The following FNBP1L variants were observed in gnomAD, a reference collection of about 807,000 sequenced individuals.
FNBP1L encodes the protein formin binding protein 1 like, also known as formin-binding protein 1-like.
Under a neutral mutation model 91.2 loss-of-function variants are expected in FNBP1L, and 36 were observed. The observed-to-expected ratio is 0.39, with a 90% CI of 0.30 to 0.52. FNBP1L has a LOEUF of 0.52. Ranked by LOEUF, FNBP1L falls within the 20% of genes least tolerant of loss-of-function variation. The pLI is 0.66. For missense variants in FNBP1L, 571 were observed against 732.1 expected, an observed-to-expected ratio of 0.78 and a Z score of 2.54; for synonymous variants, 242 against 237.0, an observed-to-expected ratio of 1.02 and a Z score of -0.19.
intron 1 of FNBP1L, 78 bp from the exon 2 acceptor site, chr1:93,499,390 A>G: frequency 2.2e-6 from 2 of 910,158 alleles, no homozygotes; most frequent in Non-Finnish European, 3.5e-6. Flanking sequence ...TTCTCTGTAC[A>G]AATACCAGAA....
intron 1 of FNBP1L, among the ~76,000 whole-genome samples, chr1:93,484,525 T>C (rs1488410810): frequency 6.6e-6 from 1 of 152,194 alleles, no homozygotes; most frequent in African/African-American, 2.4e-5. Context: ...AGTTCTGTTC[T>C]TGAATCCCCT....
At chr1:93,458,717 A>T (rs1668757264) in intron 1 of FNBP1L, among the ~76,000 whole-genome samples, 1 of 152,206 alleles carries the variant, frequency 6.6e-6, no homozygotes, top group African/African-American at 2.4e-5. Flanking sequence ...ACAGTAATCC[A>T]CCCTTCAGTT....
At position 93,523,340 on chromosome 1, in the gene FNBP1L, C is replaced by A. The variant is rs1470205917; in HGVS notation, c.195-4C>A. The A allele has an allele frequency of 6.3e-7, 1 of 1,588,486 alleles. No homozygotes were observed. ...GTCTCACCATTTTGAAATGTTTTTG[C>A]CAGGTTTACCTCGTGTGTAGCCTTT... On this transcript the variant is annotated splice_region_variant and splice_polypyrimidine_tract_variant and intron_variant, in intron 3 of 16. Transcript: ENST00000271234.
At chr1:93,538,807 T>C (rs1671930326) in intron 10 of FNBP1L, among the ~76,000 whole-genome samples, 1 of 152,122 alleles carries the variant, frequency 6.6e-6, no homozygotes, top group South Asian at 2.1e-4. Flanking sequence ...GTGCGATATT[T>C]GCTGCACATT....
Position 93,550,962 on chromosome 1 carries a change from C to T in FNBP1L, c.1667C>T (p.Thr556Ile). ...IYPFDGHNEG[T>I]LAMKEGEVLY... ...TCTCATCTAGGACATAATGAAGGTA[C>T]TCTAGCAATGAAAGAAGGTGAAGTT... The change falls in exon 16 of 17, where the codon ACT (threonine) becomes ATT (isoleucine). Residue 556 changes from threonine to isoleucine, a missense_variant. Physicochemically the swap from Thr to Ile is moderately conservative, Grantham distance 89. Coordinates refer to ENST00000271234, the MANE Select transcript of FNBP1L (RefSeq NM_001164473.3). The T allele has an allele frequency of 6.3e-7, 1 of 1,592,530 alleles. No individual in the cohort carries two copies. The highest frequency in any genetic ancestry group is 8.6e-7 in the Non-Finnish European group (1 of 1,169,056).
chr1:93,547,056 C>T lies in FNBP1L; in HGVS notation c.1407+82C>T, dbSNP rs1570876568. The T allele has an allele frequency of 1.2e-5, 17 of 1,381,988 alleles. No individual in the cohort carries two copies. The East Asian group carries it at 4.3e-4, about 35-fold the overall frequency. The allele number at this position is 1,381,988 out of a possible 1,614,324, so 85.6% of individuals were successfully genotyped here. A position where few individuals can be genotyped will look rare whatever the true frequency, so the allele number is the denominator to read the frequency against. On this transcript the variant is annotated intron_variant, in intron 13 of 16. Coordinates refer to ENST00000271234, the MANE Select transcript of FNBP1L (RefSeq NM_001164473.3). ...ATAGATTGGTTTTTGTTAGAATTAT[C>T]TTCAAATGTTTATATTTAATGTTAG...
chr1:93,454,909 TTTTA>T (rs199611646), intron 1 of FNBP1L, among the ~76,000 whole-genome samples: 13,790 of 150,882 alleles, frequency 0.091, 742 homozygotes, highest in African/African-American at 0.15. Context: ...GCTGTTTTAT[TTTTA>T]TTTATTTATT....
Position 93,549,659 on chromosome 1 carries a change from T to TATTA in FNBP1L, c.1651+242_1651+245dup, listed in dbSNP as rs534573239. Among the ~76,000 whole-genome samples the TATTA allele has an allele frequency of 3.3e-4, 51 of 152,328 alleles. No individual in the cohort carries two copies. In the South Asian group the frequency reaches 0.011, roughly 32 times the overall value. ...ACGTTACTAGCATCCTAATACAGAT[T>TATTA]ATTAATTAATTATCAATTTTGGTCA... On this transcript the variant is annotated intron_variant, in intron 15 of 16. Transcript: ENST00000271234.
chr1:93,549,779 G>A (rs1672349852), intron 15 of FNBP1L, among the ~76,000 whole-genome samples: 1 of 152,204 alleles, frequency 6.6e-6, no homozygotes, highest in Non-Finnish European at 1.5e-5. Flanking sequence ...GCGGGATGCT[G>A]GCGGATGCCA....
rs1669320857 is a variant in FNBP1L, at chr1:93,472,457, T to C, written c.24+24152T>C. On this transcript the variant is annotated intron_variant, in intron 1 of 16. Coordinates refer to ENST00000271234, the MANE Select transcript of FNBP1L (RefSeq NM_001164473.3). ...TTATTCTTTACCATGAATATTATAC[T>C]ACCTTTTATTGAATTTTGTTGAGAA... is the stretch of plus-strand genomic sequence containing the variant. Among the ~76,000 whole-genome samples, 3 of 152,152 alleles carry C rather than the reference T, an allele frequency of 2.0e-5. No individual in the cohort carries two copies. In the South Asian group the frequency reaches 6.2e-4, roughly 32 times the overall value.
At chr1:93,448,913 G>T (rs1255214976) in intron 1 of FNBP1L, among the ~76,000 whole-genome samples, 1 of 152,180 alleles carries the variant, frequency 6.6e-6, no homozygotes, top group Non-Finnish European at 1.5e-5. Context: ...CTCTCTCCCT[G>T]CCTCAGTGCT....
intron 1 of FNBP1L, among the ~76,000 whole-genome samples, chr1:93,473,839 AGGCCTTAAGGGCAAGGAG>A (rs1026560812): frequency 5.9e-5 from 9 of 151,978 alleles, no homozygotes; most frequent in African/African-American, 2.2e-4. Context: ...GCTAGTAGTT[AGGCCTTAAGGGCAAGGAG>A]AGGCATTGGT....
chr1:93,550,091 T>C (rs1163935538), intron 15 of FNBP1L, among the ~76,000 whole-genome samples: 1 of 152,190 alleles, frequency 6.6e-6, no homozygotes, highest in Admixed American at 6.5e-5. Context: ...AATAAACGGT[T>C]GTAAAATGGT....
intron 2 of FNBP1L, among the ~76,000 whole-genome samples, chr1:93,506,489 G>T (rs1390872085): frequency 1.3e-5 from 2 of 151,806 alleles, no homozygotes; most frequent in Non-Finnish European, 2.9e-5. Flanking sequence ...CACAAATTTG[G>T]GCCATATGTG....
intron 6 of FNBP1L, among the ~76,000 whole-genome samples, chr1:93,530,185 A>G (rs1255731996): frequency 3.3e-5 from 5 of 152,182 alleles, no homozygotes; most frequent in Non-Finnish European, 2.9e-5. Flanking sequence ...ACAGAACTGT[A>G]TTCTAAATAA....
At chr1:93,516,381 T>C (rs1435934509) in intron 2 of FNBP1L, among the ~76,000 whole-genome samples, 1 of 152,194 alleles carries the variant, frequency 6.6e-6, no homozygotes, top group Non-Finnish European at 1.5e-5. Flanking sequence ...CCTTGTCCAC[T>C]TACGGTGACT....
chr1:93,481,805 G>GA (rs1377273378), intron 1 of FNBP1L, among the ~76,000 whole-genome samples: 4 of 151,912 alleles, frequency 2.6e-5, no homozygotes, highest in Non-Finnish European at 5.9e-5. Context: ...TAAAAATTGG[G>GA]AAAAAAAGGA....
intron 2 of FNBP1L, among the ~76,000 whole-genome samples, chr1:93,510,564 A>G (rs1246802517): frequency 6.6e-6 from 1 of 152,200 alleles, no homozygotes; most frequent in Non-Finnish European, 1.5e-5. Context: ...TCCTCCTCCA[A>G]AGGAACACAG....
chr1:93,493,144 G>A (rs925811952), intron 1 of FNBP1L, among the ~76,000 whole-genome samples: 5 of 152,092 alleles, frequency 3.3e-5, no homozygotes, highest in African/African-American at 9.7e-5. Context: ...TGCGCCTATA[G>A]TCCCAGCTAC....
Sources: gnomAD v4.1 joint callset for allele counts (sites outside exome capture counted in the v4.1 genomes callset) on GRCh38, gnomAD v4.1.1 for gene constraint, MANE v1.5 for transcripts, NCBI Gene and HGNC (gene_info 2026-07-23, HGNC 2026-07-21) for gene names.